The following ROBO1 variants were observed in gnomAD, a reference collection of about 807,000 sequenced individuals.
ROBO1 encodes roundabout guidance receptor 1.
Under a neutral mutation model 195.9 loss-of-function variants are expected in ROBO1, and 149 were observed. That is an observed-to-expected ratio of 0.76 (90% CI 0.67 to 0.87). The LOEUF is 0.87. Among genes scored for constraint, ROBO1 ranks in the 40% least tolerant of loss-of-function variants. The pLI is 0.00. For synonymous variants in ROBO1, 816 were observed against 733.2 expected, an observed-to-expected ratio of 1.11 and a Z score of -1.82; for missense variants, 1,933 against 2,068.3, an observed-to-expected ratio of 0.93 and a Z score of 1.27.
At chr3:79,673,730 T>C (rs1446430086) in intron 1 of ROBO1, among the ~76,000 whole-genome samples, 1 of 152,030 alleles carries the variant, frequency 6.6e-6, no homozygotes, top group Admixed American at 6.6e-5. Context: ...CAATCATTTC[T>C]AAACCAGAGT....
intron 4 of ROBO1, among the ~76,000 whole-genome samples, chr3:78,894,271 T>G (rs866707353): frequency 1.3e-5 from 2 of 152,268 alleles, no homozygotes; most frequent in Admixed American, 6.5e-5. Context: ...GCAATTAATG[T>G]GTCATATTTA....
intron 3 of ROBO1, among the ~76,000 whole-genome samples, chr3:79,053,575 C>A (rs544547449): frequency 6.6e-6 from 1 of 151,932 alleles, no homozygotes; most frequent in Non-Finnish European, 1.5e-5. Flanking sequence ...GTTCCTCAAC[C>A]GGTCACTTTG....
chr3:79,681,874 CG>C (rs757144929), intron 1 of ROBO1, among the ~76,000 whole-genome samples: 1 of 151,866 alleles, frequency 6.6e-6, no homozygotes, highest in Non-Finnish European at 1.5e-5. Context: ...TAATATTAGA[CG>C]TATTTTTATT....
chr3:79,153,868 A>G (rs915608664), intron 2 of ROBO1, among the ~76,000 whole-genome samples: 3 of 151,406 alleles, frequency 2.0e-5, no homozygotes, highest in African/African-American at 7.3e-5. Context: ...GGTATACGTG[A>G]CAATTGCTGT....
At chr3:79,363,106 TC>T (rs2035833642) in intron 2 of ROBO1, among the ~76,000 whole-genome samples, 1 of 152,208 alleles carries the variant, frequency 6.6e-6, no homozygotes, top group Non-Finnish European at 1.5e-5. Flanking sequence ...GCCACTCTTT[TC>T]TTCTCAGCCA....
chr3:79,494,167 G>A (rs534467392), intron 2 of ROBO1, among the ~76,000 whole-genome samples: 22 of 151,850 alleles, frequency 1.4e-4, no homozygotes, highest in Non-Finnish European at 2.4e-4. Flanking sequence ...TTCTCCCCAC[G>A]CCCCATGCTC....
In ROBO1 at chr3:79,420,588, C is replaced by T. The variant is rs183452166; in HGVS notation, c.88+169236G>A. ...CCATTTGTGTGTGACTTTGGCGATT[C>T]TCCCATGAAGACGTAGAGTCTCTTT... On this transcript the variant is annotated intron_variant, in intron 2 of 30. Coordinates refer to ENST00000464233, the MANE Select transcript of ROBO1 (RefSeq NM_002941.4). Among the ~76,000 whole-genome samples the T allele has an allele frequency of 2.0e-3, 312 of 152,240 alleles. 2 individuals carry two copies. Among genetic ancestry groups the T allele is most frequent in the African/African-American group, 6.3e-3 (260 of 41,558 alleles).
intron 2 of ROBO1, among the ~76,000 whole-genome samples, chr3:79,308,390 A>G (rs2033323068): frequency 6.6e-6 from 1 of 152,206 alleles, no homozygotes; most frequent in African/African-American, 2.4e-5. Flanking sequence ...AAAAATGTAT[A>G]CATTTTAGTC....
At chr3:79,440,541 C>T (rs771598418) in intron 2 of ROBO1, among the ~76,000 whole-genome samples, 2 of 152,128 alleles carry the variant, frequency 1.3e-5, no homozygotes, top group Admixed American at 6.6e-5. Flanking sequence ...CTGTCCCCTG[C>T]AAGAACCAGG....
intron 1 of ROBO1, among the ~76,000 whole-genome samples, chr3:79,669,852 T>A (rs1432185887): frequency 2.0e-5 from 3 of 151,938 alleles, no homozygotes; most frequent in Non-Finnish European, 4.4e-5. Flanking sequence ...AGAAGGTTTT[T>A]AAGTTTTAGT....
intron 1 of ROBO1, among the ~76,000 whole-genome samples, chr3:79,595,971 G>A (rs767345333): frequency 1.3e-5 from 2 of 149,316 alleles, no homozygotes. Context: ...TGTGGATTTT[G>A]CATGTAACAG....
chr3:78,746,903 G>A lies in ROBO1; in HGVS notation c.500-3C>T, dbSNP rs1284226704. 3 of 1,543,302 alleles carry A rather than the reference G, an allele frequency of 1.9e-6. No homozygotes were observed. In the Admixed American group the frequency reaches 5.5e-5, roughly 28 times the overall value. ...TTGTCTGAAGTCATCCCGAAGTACT[G>A]TAGGAACAAGATTAAATCATTATAC... On this transcript the variant is annotated splice_polypyrimidine_tract_variant and splice_region_variant and intron_variant, in intron 4 of 30. Coordinates refer to ENST00000464233, the MANE Select transcript of ROBO1 (RefSeq NM_002941.4).
rs75302974 is a variant in ROBO1, at chr3:78,815,573, G to A, written c.500-68673C>T. Among the ~76,000 whole-genome samples the A allele has an allele frequency of 8.5e-4, 129 of 151,980 alleles. 2 individuals are homozygous for A. In the East Asian group the frequency reaches 0.023, roughly 27 times the overall value. ...GCTTCAGAAGAAAAGTGGGAAGCTA[G>A]CAGAGGTTGGTTCATGGCATTTAAG... On this transcript the variant is annotated intron_variant, in intron 4 of 30. Transcript: ENST00000464233.
intron 2 of ROBO1, among the ~76,000 whole-genome samples, chr3:79,290,897 AT>A (rs1490038203): frequency 1.3e-5 from 2 of 152,134 alleles, no homozygotes. Flanking sequence ...CACTACCCAC[AT>A]TATCAGAAGA....
In ROBO1 at chr3:78,911,756, G is replaced by A. The variant is rs79709497; in HGVS notation, c.499+26845C>T. ...AAGGGGGTAATTGGAATCTAAAATG[G>A]CCTGTAAACTACACAGAACTACAGT... On this transcript the variant is annotated intron_variant, in intron 4 of 30. Transcript: ENST00000464233. Among the ~76,000 whole-genome samples the A allele has an allele frequency of 8.3e-3, 1,264 of 152,054 alleles. 10 individuals carry two copies. Among genetic ancestry groups the A allele is most frequent in the South Asian group, 0.022 (106 of 4,822 alleles).
intron 3 of ROBO1, among the ~76,000 whole-genome samples, chr3:79,073,985 A>C (rs1349431663): frequency 6.6e-6 from 1 of 151,544 alleles, no homozygotes; most frequent in Non-Finnish European, 1.5e-5. Flanking sequence ...AATGAATGCA[A>C]AAGAGTTCTG....
At chr3:79,648,795 A>G (rs1246691900) in intron 1 of ROBO1, among the ~76,000 whole-genome samples, 2 of 152,096 alleles carry the variant, frequency 1.3e-5, no homozygotes, top group East Asian at 3.9e-4. Flanking sequence ...GGAAAGAAAA[A>G]CGAAAAACTA....
At chr3:79,126,655 T>C (rs368311959) in intron 2 of ROBO1, among the ~76,000 whole-genome samples, 3 of 152,320 alleles carry the variant, frequency 2.0e-5, no homozygotes, top group Admixed American at 6.5e-5. Flanking sequence ...GAATCACCTT[T>C]AACATTATCT....
chr3:79,257,872 A>G (rs1435557863), intron 2 of ROBO1, among the ~76,000 whole-genome samples: 3 of 152,136 alleles, frequency 2.0e-5, no homozygotes, highest in Non-Finnish European at 4.4e-5. Context: ...TAAAACAAGA[A>G]TTTAGGGCAG....
Sources: gnomAD v4.1 joint callset for allele counts (sites outside exome capture counted in the v4.1 genomes callset) on GRCh38, gnomAD v4.1.1 for gene constraint, MANE v1.5 for transcripts, NCBI Gene and HGNC (gene_info 2026-07-23, HGNC 2026-07-21) for gene names.